The following KIAA1217 variants were observed in gnomAD, a reference collection of about 807,000 sequenced individuals.
KIAA1217 encodes KIAA1217, also known as sickle tail protein homolog.
Under a neutral mutation model 163.9 loss-of-function variants are expected in KIAA1217, and 88 were observed. That is an observed-to-expected ratio of 0.54 (90% CI 0.45 to 0.64). The LOEUF (loss-of-function observed/expected upper bound fraction) is 0.64, where lower values mean the gene tolerates loss of function less well. Ranked by LOEUF, KIAA1217 falls within the 30% of genes least tolerant of loss-of-function variation. KIAA1217 has a pLI of 0.00. For synonymous variants in KIAA1217, 903 were observed against 923.1 expected (o/e 0.98, Z 0.39); for missense variants, 2,372 against 2,475.0 (o/e 0.96, Z 0.88).
chr10:24,267,281 G>T (rs1402834838), intron 2 of KIAA1217, among the ~76,000 whole-genome samples: 1 of 152,148 alleles, frequency 6.6e-6, no homozygotes. Flanking sequence ...ACCACTTGTG[G>T]TCTCTCAAGG....
At chr10:23,895,124 A>G (rs1841617601) in intron 1 of KIAA1217, among the ~76,000 whole-genome samples, 1 of 152,156 alleles carries the variant, frequency 6.6e-6, no homozygotes, top group Non-Finnish European at 1.5e-5. Context: ...TGGCAACAAA[A>G]GACAAAATTG....
At chr10:23,935,571 C>G (rs1034556110) in intron 1 of KIAA1217, among the ~76,000 whole-genome samples, 6 of 151,998 alleles carry the variant, frequency 3.9e-5, no homozygotes, top group Non-Finnish European at 8.8e-5. Flanking sequence ...AGGTTAAAAA[C>G]AAAAACATGA....
At chr10:24,405,611 T>C (rs923251932) in intron 3 of KIAA1217, among the ~76,000 whole-genome samples, 1 of 152,210 alleles carries the variant, frequency 6.6e-6, no homozygotes, top group Admixed American at 6.5e-5. Flanking sequence ...GAATGGTATC[T>C]AAACCTACGA....
At chr10:23,749,261 A>G (rs537911401) in intron 1 of KIAA1217, among the ~76,000 whole-genome samples, 51 of 152,178 alleles carry the variant, frequency 3.4e-4, no homozygotes, top group Non-Finnish European at 5.4e-4. Flanking sequence ...ACTTGGCAGC[A>G]TGTACCAATT....
intron 2 of KIAA1217, among the ~76,000 whole-genome samples, chr10:24,269,209 T>TAA (rs2076541952): frequency 9.1e-6 from 1 of 110,464 alleles, no homozygotes; most frequent in African/African-American, 3.8e-5. Context: ...TAAAGTATAA[T>TAA]TAAAAAAAAA....
chr10:24,320,868 C>A (rs924499815), intron 2 of KIAA1217, among the ~76,000 whole-genome samples: 21 of 151,926 alleles, frequency 1.4e-4, no homozygotes, highest in African/African-American at 5.1e-4. Flanking sequence ...ACAGTGAAAC[C>A]CTGTCTCTAC....
chr10:24,088,473 G>A (rs2061799385), intron 2 of KIAA1217, among the ~76,000 whole-genome samples: 1 of 80,392 alleles, frequency 1.2e-5, no homozygotes, highest in African/African-American at 3.7e-5. Context: ...AGGCCCCAGT[G>A]TGTGATGTTC....
At chr10:24,284,745 G>T (rs2132302066) in intron 2 of KIAA1217, among the ~76,000 whole-genome samples, 1 of 152,040 alleles carries the variant, frequency 6.6e-6, no homozygotes, top group African/African-American at 2.4e-5. Flanking sequence ...TTTTCTTTTG[G>T]GTATATACCC....
chr10:24,187,408 C>T (rs1211559304), intron 2 of KIAA1217, among the ~76,000 whole-genome samples: 2 of 152,202 alleles, frequency 1.3e-5, no homozygotes, highest in Admixed American at 1.3e-4. Flanking sequence ...AATGTCACTG[C>T]TCTATACTTC....
At chr10:24,084,863 A>G (rs1033457954) in intron 2 of KIAA1217, among the ~76,000 whole-genome samples, 1 of 150,562 alleles carries the variant, frequency 6.6e-6, no homozygotes, top group Non-Finnish European at 1.5e-5. Flanking sequence ...TTTTATTACT[A>G]TCTCCTCTGA....
At chr10:24,339,567 T>C (rs2133789945) in intron 2 of KIAA1217, among the ~76,000 whole-genome samples, 1 of 152,362 alleles carries the variant, frequency 6.6e-6, no homozygotes, top group East Asian at 1.9e-4. Context: ...GTTTGTCAAA[T>C]ATCCACTGTG....
At chr10:24,140,091 G>A (rs1420416704) in intron 2 of KIAA1217, among the ~76,000 whole-genome samples, 5 of 151,926 alleles carry the variant, frequency 3.3e-5, no homozygotes, top group Admixed American at 3.3e-4. Context: ...CGGGCACAGT[G>A]GCTCACACCT....
intron 1 of KIAA1217, among the ~76,000 whole-genome samples, chr10:23,905,990 T>C (rs1195536848): frequency 1.3e-5 from 2 of 152,076 alleles, no homozygotes; most frequent in Non-Finnish European, 2.9e-5. Flanking sequence ...GTAGGTTGAG[T>C]GACTGGTGAG....
chr10:24,341,553 C>G (rs937628007), intron 2 of KIAA1217, among the ~76,000 whole-genome samples: 1 of 152,124 alleles, frequency 6.6e-6, no homozygotes, highest in Non-Finnish European at 1.5e-5. Context: ...CCCAACATTC[C>G]TTGGAAAATT....
chr10:24,534,880 T>TCA (rs1187756624), intron 16 of KIAA1217, among the ~76,000 whole-genome samples: 3 of 57,216 alleles, frequency 5.2e-5, no homozygotes, highest in Non-Finnish European at 9.8e-5. Flanking sequence ...AAACTCTGTC[T>TCA]CAAAAAAAAA....
intron 1 of KIAA1217, among the ~76,000 whole-genome samples, chr10:23,755,599 G>A (rs1038166229): frequency 5.9e-5 from 9 of 152,034 alleles, no homozygotes; most frequent in Non-Finnish European, 1.0e-4. Flanking sequence ...TGAATGCAAA[G>A]CAAAAACAAA....
chr10:24,486,617 A>G lies in KIAA1217; in HGVS notation c.1680-7883A>G, dbSNP rs11014106. 9.3e-3 allele frequency among the ~76,000 whole-genome samples: 1,412 copies of G among 152,192 alleles called. 28 individuals are homozygous for G. The highest frequency in any genetic ancestry group is 0.033 in the African/African-American group (1,354 of 41,516). On this transcript the variant is annotated intron_variant, in intron 6 of 20. Transcript: ENST00000376454. Reference sequence around the variant, plus strand: ...TGCTCCTGCCTTGGGCAGAGTGTATATGTGTGAGTGCACCTGCCCTTCCCA... The same window carrying G: ...TGCTCCTGCCTTGGGCAGAGTGTATGTGTGTGAGTGCACCTGCCCTTCCCA...
chr10:24,088,478 A>C (rs184997166), intron 2 of KIAA1217, among the ~76,000 whole-genome samples: 2,922 of 82,916 alleles, frequency 0.035, 185 homozygotes, highest in African/African-American at 0.097. Flanking sequence ...CCAGTGTGTG[A>C]TGTTCCCCTT....
intron 1 of KIAA1217, among the ~76,000 whole-genome samples, chr10:23,893,651 A>G (rs1458549060): frequency 6.6e-6 from 1 of 152,004 alleles, no homozygotes; most frequent in East Asian, 1.9e-4. Flanking sequence ...TTCCCTCTAC[A>G]CACTGCTTTG....
Sources: gnomAD v4.1 joint callset for allele counts (sites outside exome capture counted in the v4.1 genomes callset) on GRCh38, gnomAD v4.1.1 for gene constraint, MANE v1.5 for transcripts, NCBI Gene and HGNC (gene_info 2026-07-23, HGNC 2026-07-21) for gene names.